DENND1B: variants seen among roughly 807,000 people sequenced by gnomAD.
The protein encoded by DENND1B is DENN domain containing 1B, also known as DENN domain-containing protein 1B.
A neutral mutation model predicts 90.1 loss-of-function variants in DENND1B; 59 were observed. That is an observed-to-expected ratio of 0.65 (90% CI 0.53 to 0.81). The LOEUF is 0.81. Ranked by LOEUF, DENND1B falls within the 40% of genes least tolerant of loss-of-function variation. DENND1B has a pLI of 0.00. For missense variants in DENND1B, 862 were observed against 912.6 expected (o/e 0.94, Z 0.71); for synonymous variants, 337 against 324.6 (o/e 1.04, Z -0.41).
chr1:197,583,983 C>T (rs548164420), intron 14 of DENND1B, among the ~76,000 whole-genome samples: 1 of 152,072 alleles, frequency 6.6e-6, no homozygotes, highest in African/African-American at 2.4e-5. Flanking sequence ...GCCTGAACAG[C>T]CCTTTAGCCC....
At chr1:197,641,104 T>C (rs1170367029) in intron 10 of DENND1B, among the ~76,000 whole-genome samples, 1 of 152,214 alleles carries the variant, frequency 6.6e-6, no homozygotes, top group African/African-American at 2.4e-5. Flanking sequence ...TTACAAACTG[T>C]TTCATGCCAG....
At position 197,622,403 on chromosome 1, in the gene DENND1B, T is replaced by A. The variant is rs1322411894; in HGVS notation, c.673-4644A>T. Among the ~76,000 whole-genome samples, 4 of 151,466 alleles carry A rather than the reference T, an allele frequency of 2.6e-5. No individual in the cohort carries two copies. In the East Asian group the frequency reaches 7.8e-4, roughly 30 times the overall value. ...AGGATACAACTGGAGGCAGGCTAGA[T>A]CCAAAGTATAGTAACCACTATTTCA... On this transcript the variant is annotated intron_variant, in intron 10 of 22. Transcript: ENST00000620048.
chr1:197,705,088 T>G (rs1325028625), intron 3 of DENND1B, among the ~76,000 whole-genome samples: 1 of 152,156 alleles, frequency 6.6e-6, no homozygotes, highest in Non-Finnish European at 1.5e-5. Flanking sequence ...AAGAGCTTTT[T>G]AAGATTATAA....
intron 20 of DENND1B, among the ~76,000 whole-genome samples, chr1:197,517,584 CTAT>C: frequency 6.6e-6 from 1 of 152,026 alleles, no homozygotes; most frequent in East Asian, 1.9e-4. Context: ...TATTGAGTCT[CTAT>C]TATTCTGTCT....
intron 10 of DENND1B, among the ~76,000 whole-genome samples, chr1:197,635,283 A>T (rs1053399218): frequency 1.3e-5 from 2 of 152,168 alleles, no homozygotes; most frequent in African/African-American, 2.4e-5. Context: ...GATTAAATTT[A>T]TTCTTCAATA....
chr1:197,636,132 C>A (rs77477704), intron 10 of DENND1B, among the ~76,000 whole-genome samples: 2,663 of 151,902 alleles, frequency 0.018, 74 homozygotes, highest in African/African-American at 0.06. Context: ...CAATGAGTAA[C>A]CAATAGATTT....
intron 13 of DENND1B, among the ~76,000 whole-genome samples, chr1:197,598,764 C>T (rs1675935549): frequency 6.6e-6 from 1 of 151,764 alleles, no homozygotes; most frequent in African/African-American, 2.4e-5. Context: ...AGAAAGCAAG[C>T]TAGCCTCAAC....
chr1:197,667,793 C>G (rs1472865525), intron 5 of DENND1B, among the ~76,000 whole-genome samples: 2 of 152,114 alleles, frequency 1.3e-5, no homozygotes, highest in African/African-American at 4.8e-5. Context: ...ATTTCCCATC[C>G]TGCAAACACG....
intron 10 of DENND1B, among the ~76,000 whole-genome samples, chr1:197,632,636 T>A (rs970853437): frequency 2.0e-5 from 3 of 152,206 alleles, no homozygotes; most frequent in Non-Finnish European, 4.4e-5. Flanking sequence ...TAAATACTTA[T>A]ATACCTTATC....
intron 20 of DENND1B, among the ~76,000 whole-genome samples, chr1:197,516,628 C>T (rs562997958): frequency 4.0e-5 from 6 of 151,722 alleles, no homozygotes; most frequent in Admixed American, 3.3e-4. Context: ...GGAAAAAAGG[C>T]CTGGTCACAA....
chr1:197,561,161 C>A lies in DENND1B; in HGVS notation c.1150-8049G>T, dbSNP rs901107186. On this transcript the variant is annotated intron_variant, in intron 15 of 22. Transcript: ENST00000620048. Reference sequence around the variant, plus strand: ...TAGTTATGTGCTATTCCATTCTTCACAGCAAAATTCAAAAGAGCTGTCAGT... The same window carrying A: ...TAGTTATGTGCTATTCCATTCTTCAAAGCAAAATTCAAAAGAGCTGTCAGT... Among the ~76,000 whole-genome samples the A allele has an allele frequency of 3.3e-5, 5 of 151,954 alleles. No individual in the cohort carries two copies. The South Asian group carries it at 6.2e-4, about 19-fold the overall frequency.
intron 11 of DENND1B, among the ~76,000 whole-genome samples, chr1:197,612,395 C>A (rs1413363401): frequency 2.0e-5 from 3 of 150,376 alleles, no homozygotes; most frequent in African/African-American, 7.3e-5. Flanking sequence ...CAATTAAATT[C>A]TTATTTCTAT....
chr1:197,649,685 G>T (rs1204719297), intron 7 of DENND1B, among the ~76,000 whole-genome samples: 1 of 152,086 alleles, frequency 6.6e-6, no homozygotes, highest in African/African-American at 2.4e-5. Context: ...AATGAAACTG[G>T]ATCCTCATCT....
At chr1:197,593,918 T>A (rs1241402089) in intron 14 of DENND1B, among the ~76,000 whole-genome samples, 1 of 152,090 alleles carries the variant, frequency 6.6e-6, no homozygotes, top group African/African-American at 2.4e-5. Flanking sequence ...TGTTTCAAAC[T>A]CATTTTTATG....
chr1:197,553,983 C>T (rs965658749), intron 15 of DENND1B, among the ~76,000 whole-genome samples: 2 of 151,990 alleles, frequency 1.3e-5, no homozygotes, highest in African/African-American at 4.8e-5. Flanking sequence ...TGTTCTGCTC[C>T]AGTCCTCACC....
chr1:197,583,241 T>A lies in DENND1B; in HGVS notation c.1060A>T (p.Thr354Ser). The change falls in exon 15 of 23, where the codon ACT (threonine) becomes TCT (serine). Residue 354 changes from threonine (T) to serine (S), a missense_variant. Thr to Ser is a moderately conservative substitution (Grantham distance 58). Transcript: ENST00000620048. ...TTTACAAAACTCTCCTCACAGAAAG[T>A]GATGGGCTCACCCTAGATAGAAATA... ...ALRYKPGEPITFCEESFVKHR... is the reference protein window; with the variant it reads ...ALRYKPGEPISFCEESFVKHR... 1.9e-6 allele frequency: 3 copies of A among 1,613,772 alleles called. No homozygotes were observed. The highest frequency in any genetic ancestry group is 1.7e-6 in the Non-Finnish European group (2 of 1,179,772).
chr1:197,606,006 T>C (rs567874338), intron 13 of DENND1B: 1 of 151,264 alleles, frequency 6.6e-6, no homozygotes, highest in South Asian at 2.1e-4. Context: ...CAGAAAAATA[T>C]GCTCTGAAGG....
chr1:197,518,303 T>C (rs891148782), intron 20 of DENND1B, among the ~76,000 whole-genome samples: 8 of 151,890 alleles, frequency 5.3e-5, no homozygotes, highest in African/African-American at 1.9e-4. Context: ...ATTGGACAAA[T>C]TGTATAACCA....
chr1:197,752,785 C>A (rs1480745974), intron 2 of DENND1B, among the ~76,000 whole-genome samples: 1 of 151,902 alleles, frequency 6.6e-6, no homozygotes, highest in South Asian at 2.1e-4. Context: ...TATCCTTCCC[C>A]CTCCCCGACC....
Sources: allele counts gnomAD v4.1 joint callset (sites outside exome capture counted in the v4.1 genomes callset), GRCh38; gene constraint gnomAD v4.1.1; transcripts MANE v1.5; gene names NCBI Gene and HGNC (gene_info 2026-07-23, HGNC 2026-07-21).